Variants in ADGRG7 observed in about 807,000 individuals in gnomAD.
ADGRG7 encodes G-protein coupled receptor 128.
Under a neutral mutation model 88.6 loss-of-function variants are expected in ADGRG7, and 82 were observed. That is an observed-to-expected ratio of 0.93 (90% confidence interval 0.77 to 1.11). The LOEUF is 1.11. Among genes scored for constraint, ADGRG7 ranks in the 50% most tolerant of loss-of-function variants. The pLI, the probability that ADGRG7 is intolerant of heterozygous loss-of-function variation, is 0.00. For synonymous variants in ADGRG7, 381 were observed against 345.2 expected (o/e 1.10, Z -1.15); for missense variants, 945 against 953.4 (o/e 0.99, Z 0.12).
At chr3:100,640,429 C>A (rs1707621696) in intron 6 of ADGRG7, among the ~76,000 whole-genome samples, 1 of 152,186 alleles carries the variant, frequency 6.6e-6, no homozygotes, top group African/African-American at 2.4e-5. Context: ...GACTCTTTGA[C>A]TCTGTCAAAG....
chr3:100,679,368 G>A (rs1271866103), intron 15 of ADGRG7, among the ~76,000 whole-genome samples: 3 of 152,208 alleles, frequency 2.0e-5, no homozygotes, highest in Admixed American at 6.5e-5. Context: ...TCAGGCCCAA[G>A]GCAGGTCCAG....
At position 100,609,934 on chromosome 3, in the gene ADGRG7, A is replaced by C. The variant is rs1487787727; in HGVS notation, c.78A>C (p.Gly26=). ...GACTACTGACTGGCATCATTTTGGG[A>C]CTGGGCATCTGGAGGATTGTGATCA... ...VCGLLTGIIL[G]LGIWRIVIRI... Residue 26 remains glycine (G), a synonymous_variant, in exon 1 of 16, where the codon GGA becomes GGC. Coordinates refer to ENST00000273352, the MANE Select transcript of ADGRG7 (RefSeq NM_032787.3). 6.2e-7 allele frequency: 1 copy of C among 1,613,718 alleles called. No individual in the cohort carries two copies. The highest frequency in any genetic ancestry group is 1.7e-5 in the Admixed American group (1 of 59,994).
chr3:100,632,413 T>C (rs1337418985), intron 3 of ADGRG7, among the ~76,000 whole-genome samples: 3 of 152,174 alleles, frequency 2.0e-5, no homozygotes, highest in Non-Finnish European at 4.4e-5. Flanking sequence ...CTCAATATTA[T>C]ATACCAAATG....
At chr3:100,691,141 A>G (rs150102665) in intron 15 of ADGRG7, among the ~76,000 whole-genome samples, 2,823 of 152,298 alleles carry the variant, frequency 0.019, 88 homozygotes, top group African/African-American at 0.064. Flanking sequence ...GCAAGCCTCC[A>G]TGGGCGTAGG....
chr3:100,611,275 C>T (rs948825329), intron 1 of ADGRG7, among the ~76,000 whole-genome samples: 2 of 141,882 alleles, frequency 1.4e-5, no homozygotes, highest in African/African-American at 2.6e-5. Context: ...TTCCTTCCTT[C>T]CTTCCTTCCT....
intron 14 of ADGRG7, 22 bp from the exon 15 acceptor site, chr3:100,668,927 T>C (rs1259763795): frequency 6.4e-7 from 1 of 1,553,044 alleles, no homozygotes; most frequent in African/African-American, 1.4e-5. Flanking sequence ...CCACATTATT[T>C]TTCTTGTTTT....
chr3:100,622,718 C>T (rs1270090202), intron 1 of ADGRG7, among the ~76,000 whole-genome samples: 1 of 151,972 alleles, frequency 6.6e-6, no homozygotes, highest in Non-Finnish European at 1.5e-5. Flanking sequence ...GATATATGTA[C>T]CGCAAATATT....
intron 6 of ADGRG7, among the ~76,000 whole-genome samples, chr3:100,640,793 G>T (rs1016778520): frequency 6.6e-6 from 1 of 152,006 alleles, no homozygotes; most frequent in African/African-American, 2.4e-5. Flanking sequence ...GACTGTTGGG[G>T]TTATAGGCGT....
chr3:100,680,516 A>AT (rs778421826), intron 15 of ADGRG7, among the ~76,000 whole-genome samples: 1 of 151,960 alleles, frequency 6.6e-6, no homozygotes, highest in Non-Finnish European at 1.5e-5. Context: ...TGGCCATTCT[A>AT]TTTTTTATTC....
rs553280348 is a variant in ADGRG7, at chr3:100,669,212, C to G, written c.2136+107C>G. On this transcript the variant is annotated intron_variant, in intron 15 of 15. Transcript: ENST00000273352. ...CTATTTTAAAAAAATCTAGGCCAGG[C>G]GCGGTGGCTCACGCCTGTAATGCCA... 956 of 885,954 alleles carry G rather than the reference C, an allele frequency of 1.1e-3. 1 individual carries two copies. The highest frequency in any genetic ancestry group is 1.4e-3 in the Non-Finnish European group (873 of 634,412). The allele number at this position is 885,954 out of a possible 1,614,324, so 54.9% of individuals were successfully genotyped here.
At chr3:100,634,295 T>C (rs1424402815) in intron 4 of ADGRG7, among the ~76,000 whole-genome samples, 1 of 152,220 alleles carries the variant, frequency 6.6e-6, no homozygotes, top group Middle Eastern at 3.2e-3. Flanking sequence ...TTAATCCTTA[T>C]AAAACTTCTG....
rs1035384819 is a variant in ADGRG7, at chr3:100,655,972, A to G, written c.1800A>G (p.Glu600=). Residue 600 remains glutamate (E), a synonymous_variant, in exon 13 of 16, where the codon GAA becomes GAG. Coordinates refer to ENST00000273352, the MANE Select transcript of ADGRG7 (RefSeq NM_032787.3). ...YSQNGNNPQW[E]LDYRQEKICW... ...AGAATGGAAATAATCCACAGTGGGA[A>G]TTAGACTACCGGCAAGAGAAAATGT... 1.2e-6 allele frequency: 2 copies of G among 1,606,832 alleles called. No homozygotes were observed.
At position 100,646,576 on chromosome 3, in the gene ADGRG7, A is replaced by G. The variant is rs115943440; in HGVS notation, c.1118A>G (p.Gln373Arg). The change falls in exon 10 of 16, where the codon CAA becomes CGA. Residue 373 changes from glutamine to arginine, a missense_variant. Coordinates refer to ENST00000273352, the MANE Select transcript of ADGRG7 (RefSeq NM_032787.3). The stretch of plus-strand genomic sequence containing the variant: ...TGTCTTATCAATTCATAGTACAACC[A>G]AAAAGAATTTCAACTCTATTCCTAT... Reference protein sequence around the residue: ...VDMVFSPKYNQKEFQLYSYAC... With the variant: ...VDMVFSPKYNRKEFQLYSYAC... 4.2e-5 allele frequency: 68 copies of G among 1,612,412 alleles called. No homozygotes were observed. The African/African-American group carries it at 8.1e-4, about 19-fold the overall frequency.
At chr3:100,691,311 C>T (rs1442740329) in intron 15 of ADGRG7, among the ~76,000 whole-genome samples, 2 of 152,194 alleles carry the variant, frequency 1.3e-5, no homozygotes, top group Non-Finnish European at 2.9e-5. Flanking sequence ...CTTGTGCTTC[C>T]CGGGTGAGGC....
In ADGRG7 at chr3:100,609,888, T is replaced by C. The variant is rs1707120607; in HGVS notation, c.32T>C (p.Val11Ala). The C allele has an allele frequency of 6.2e-7, 1 of 1,613,920 alleles. No homozygotes were observed. Among genetic ancestry groups the C allele is most frequent in the Admixed American group, 1.7e-5 (1 of 59,996 alleles). Residue 11 changes from valine (V) to alanine (A), a missense_variant, in exon 1 of 16, where the codon GTG becomes GCG. By Grantham distance (64) the Val-to-Ala change is moderately conservative (BLOSUM62 0). Coordinates refer to ENST00000273352, the MANE Select transcript of ADGRG7 (RefSeq NM_032787.3). MASCRAWNLR[V>A]LVAVVCGLLT... ...TCCTGCCGTGCCTGGAACCTTAGGGTGCTGGTGGCTGTCGTGTGTGGACTA... is the reference window on the plus strand; with the variant it reads ...TCCTGCCGTGCCTGGAACCTTAGGGCGCTGGTGGCTGTCGTGTGTGGACTA...
chr3:100,678,016 C>T (rs2094967866), intron 15 of ADGRG7, among the ~76,000 whole-genome samples: 1 of 152,102 alleles, frequency 6.6e-6, no homozygotes, highest in African/African-American at 2.4e-5. Context: ...ACTTTCTACA[C>T]TGACCTCTCT....
chr3:100,627,461 T>C (rs1022022097), intron 1 of ADGRG7, among the ~76,000 whole-genome samples: 1 of 152,178 alleles, frequency 6.6e-6, no homozygotes, highest in African/African-American at 2.4e-5. Flanking sequence ...AGATTTGACT[T>C]CCTGCTATTT....
chr3:100,610,451 T>A (rs1208716190), intron 1 of ADGRG7, among the ~76,000 whole-genome samples: 1 of 152,314 alleles, frequency 6.6e-6, no homozygotes. Context: ...AGTGAAATGA[T>A]CTCATGGTTT....
intron 15 of ADGRG7, among the ~76,000 whole-genome samples, chr3:100,685,550 G>C (rs1004485820): frequency 6.6e-6 from 1 of 152,020 alleles, no homozygotes; most frequent in Non-Finnish European, 1.5e-5. Context: ...ACAGTCCCTG[G>C]TGTGTGATGT....
Sources: gnomAD v4.1 joint callset for allele counts (sites outside exome capture counted in the v4.1 genomes callset) on GRCh38, gnomAD v4.1.1 for gene constraint, MANE v1.5 for transcripts, NCBI Gene and HGNC (gene_info 2026-07-23, HGNC 2026-07-21) for gene names.